The following SETD1A variants were observed in gnomAD, a reference collection of about 807,000 sequenced individuals.
SETD1A encodes histone-lysine N-methyltransferase SETD1A.
SETD1A carries 29 observed loss-of-function variants against 149.9 expected under a neutral mutation model. The observed-to-expected ratio is 0.19, with a 90% CI of 0.14 to 0.26. SETD1A has a LOEUF of 0.26. Among genes scored for constraint, SETD1A ranks in the 10% least tolerant of loss-of-function variants. SETD1A has a pLI of 1.00. For synonymous variants in SETD1A, 1,141 were observed against 968.5 expected, an observed-to-expected ratio of 1.18 and a Z score of -3.31; for missense variants, 2,109 against 2,353.1, an observed-to-expected ratio of 0.90 and a Z score of 2.15.
chr16:30,968,016 G>T (rs914966491), intron 10 of SETD1A, among the ~76,000 whole-genome samples: 1 of 152,058 alleles, frequency 6.6e-6, no homozygotes, highest in African/African-American at 2.4e-5. Flanking sequence ...AGACCCACTG[G>T]CCTTCATACT....
chr16:30,965,694 C>T lies in SETD1A; in HGVS notation c.1813C>T (p.Pro605Ser), dbSNP rs2143499117. ...PPAPTPPQQPPPPPPPPPPPP... is the reference protein window; with the variant it reads ...PPAPTPPQQPSPPPPPPPPPP... ...GGCCCCGACGCCCCCTCAGCAGCCT[C>T]CGCCACCTCCCCCTCCCCCGCCGCC... is the stretch of plus-strand genomic sequence containing the variant. Residue 605 changes from proline (P) to serine (S), a missense_variant, in exon 8 of 19, where the codon CCG (proline) becomes TCG (serine). By Grantham distance (74) the Pro-to-Ser change is moderately conservative. Transcript: ENST00000262519. 1 of 1,551,896 alleles carries T rather than the reference C, an allele frequency of 6.4e-7. No homozygotes were observed. The highest frequency in any genetic ancestry group is 8.8e-7 in the Non-Finnish European group (1 of 1,137,504).
In SETD1A at chr16:30,969,558, A is replaced by G. The variant is rs1347199312; in HGVS notation, c.2929-44A>G. On this transcript the variant is annotated intron_variant, in intron 11 of 18. Coordinates refer to ENST00000262519, the MANE Select transcript of SETD1A (RefSeq NM_014712.3). ...AGGCAGCTGTGCCTGGTGTAGGACC[A>G]GTTGTCCCCTTCCTGTTAGTCCTCA... 7 of 1,603,976 alleles carry G rather than the reference A, an allele frequency of 4.4e-6. No homozygotes were observed. In the East Asian group the frequency reaches 1.6e-4, roughly 36 times the overall value.
In SETD1A at chr16:30,980,358, C is replaced by G; in HGVS notation, c.4409-127C>G. The G allele has an allele frequency of 6.9e-7, 1 of 1,448,394 alleles. No homozygotes were observed. Among genetic ancestry groups the G allele is most frequent in the Non-Finnish European group, 9.3e-7 (1 of 1,074,838 alleles). 89.7% of individuals were successfully genotyped at this position (1,448,394 alleles called of 1,614,324 possible). ...CCTTCCAAAGCATTTCTGGCAGGAA[C>G]GATGGGGCTGGGGCTTCCTCCCCTG... is the stretch of plus-strand genomic sequence containing the variant. On this transcript the variant is annotated intron_variant, in intron 14 of 18. Transcript: ENST00000262519. The surrounding 1 kb of genome is among the most constrained non-coding windows in gnomAD (Gnocchi z 7.7).
At chr16:30,971,783 T>C (rs553898253) in intron 13 of SETD1A, 64 bp downstream of exon 13, 21 of 1,495,720 alleles carry the variant, frequency 1.4e-5, no homozygotes, top group Admixed American at 1.2e-4. Flanking sequence ...AAAACAGTGG[T>C]GCTTGCATTT....
chr16:30,974,352 A>G (rs186606769), intron 13 of SETD1A, among the ~76,000 whole-genome samples: 1 of 152,134 alleles, frequency 6.6e-6, no homozygotes, highest in East Asian at 1.9e-4. Flanking sequence ...TTAGGTCTTG[A>G]AAGTGTAGCA....
Position 30,980,570 on chromosome 16 carries a change from C to T in SETD1A, c.4494C>T (p.Gly1498=), listed in dbSNP as rs1333368212. 1.9e-6 allele frequency: 3 copies of T among 1,614,032 alleles called. No individual in the cohort carries two copies. The African/African-American group carries it at 4.0e-5, about 22-fold the overall frequency. Residue 1498 remains glycine, a synonymous_variant, in exon 15 of 19, where the codon GGC becomes GGT. Transcript: ENST00000262519. This position sits in a 1 kb window ranked among gnomAD's most constrained non-coding sequence, Gnocchi z 7.7. ...EHQTGSARSE[G]YYPISKKEKD... ...AGACAGGCTCAGCCCGCAGCGAAGG[C>T]TACTACCCCATCAGCAAGAAGGAGA...
At chr16:30,958,065 C>G (rs2055988450) in intron 1 of SETD1A, 101 bp downstream of exon 1, 1 of 150,332 alleles carries the variant, frequency 6.7e-6, no homozygotes, top group Non-Finnish European at 1.5e-5. Context: ...GCTGCCGCCG[C>G]CTCGCGCCGC....
chr16:30,977,843 G>A (rs927583135), intron 13 of SETD1A, among the ~76,000 whole-genome samples: 9 of 152,318 alleles, frequency 5.9e-5, no homozygotes, highest in Middle Eastern at 3.4e-3. Context: ...GGCGCTGAGC[G>A]GGGAAGCCAG....
At chr16:30,978,205 C>T (rs1198136848) in intron 13 of SETD1A, among the ~76,000 whole-genome samples, 1 of 143,442 alleles carries the variant, frequency 7.0e-6, no homozygotes, top group Non-Finnish European at 1.5e-5. Context: ...ACCCGGGAGG[C>T]GGAGGTTGCA....
At chr16:30,964,036 A>T in intron 5 of SETD1A, 58 bp from the exon 6 acceptor site, 1 of 1,298,962 alleles carries the variant, frequency 7.7e-7, no homozygotes, top group Non-Finnish European at 1.1e-6. Context: ...GGGAAAGGGC[A>T]GGTCTCAAGT....
chr16:30,965,128 A>T lies in SETD1A; in HGVS notation c.1386A>T (p.Pro462=). 1 of 1,612,094 alleles carries T rather than the reference A, an allele frequency of 6.2e-7. No individual in the cohort carries two copies. Among genetic ancestry groups the T allele is most frequent in the Non-Finnish European group, 8.5e-7 (1 of 1,179,674 alleles). ...EREEVRTSPR[P]ASPARSGSPA... is the part of the protein sequence containing the mutation. Reference sequence around the variant, plus strand: ...AAGAAGTTCGGACTTCCCCCCGCCCAGCCTCCCCTGCCCGCTCTGGCTCCC... The same window carrying T: ...AAGAAGTTCGGACTTCCCCCCGCCCTGCCTCCCCTGCCCGCTCTGGCTCCC... The change falls in exon 7 of 19, where the codon CCA becomes CCT. Residue 462 remains proline, a synonymous_variant. Coordinates refer to ENST00000262519, the MANE Select transcript of SETD1A (RefSeq NM_014712.3).
In SETD1A at chr16:30,980,108, G is replaced by A. The variant is rs1370745298; in HGVS notation, c.4322G>A (p.Ser1441Asn). Residue 1441 changes from serine (S) to asparagine (N), a missense_variant, in exon 14 of 19, where the codon AGT becomes AAT. Coordinates refer to ENST00000262519, the MANE Select transcript of SETD1A (RefSeq NM_014712.3). This position sits in a 1 kb window ranked among gnomAD's most constrained non-coding sequence, Gnocchi z 7.7. Reference sequence around the variant, plus strand: ...TCGGGCCTGGACTCAGAGGACATGAGTTACCTGCGGCTTACGTACGAGCGG... The same window carrying A: ...TCGGGCCTGGACTCAGAGGACATGAATTACCTGCGGCTTACGTACGAGCGG... ...WNSGLDSEDM[S>N]YLRLTYERLL... 6.2e-7 allele frequency: 1 copy of A among 1,613,656 alleles called. No homozygotes were observed. The highest frequency in any genetic ancestry group is 2.2e-5 in the East Asian group (1 of 44,840).
Position 30,980,426 on chromosome 16 carries a change from C to G in SETD1A, c.4409-59C>G, listed in dbSNP as rs573452996. The G allele has an allele frequency of 3.2e-6, 5 of 1,565,884 alleles. No homozygotes were observed. Among genetic ancestry groups the G allele is most frequent in the Admixed American group, 3.6e-5 (2 of 55,320 alleles). On this transcript the variant is annotated intron_variant, in intron 14 of 18. Transcript: ENST00000262519. The surrounding 1 kb of genome is among the most constrained non-coding windows in gnomAD (Gnocchi z 7.7). Reference sequence around the variant, plus strand: ...CTCAGCGGCGTGGGCCCCGCCCTCTCCTTTGGCTGGGACGCAGGTGGCCAG... The same window carrying G: ...CTCAGCGGCGTGGGCCCCGCCCTCTGCTTTGGCTGGGACGCAGGTGGCCAG...
Position 30,980,325 on chromosome 16 carries a change from CTT to C in SETD1A, c.4408+134_4408+135del. The C allele has an allele frequency of 7.0e-7, 1 of 1,435,784 alleles. No homozygotes were observed. 88.9% of individuals were successfully genotyped at this position (1,435,784 alleles called of 1,614,324 possible). ...CATCTTTTCTCTCCTCCTGGTGCCT[CTT>C]TTCTGCCTTCCAAAGCATTTCTGGC... is the stretch of plus-strand genomic sequence containing the variant. On this transcript the variant is annotated intron_variant, in intron 14 of 18. Transcript: ENST00000262519. This position sits in a 1 kb window ranked among gnomAD's most constrained non-coding sequence, Gnocchi z 7.7.
rs1354796523 is a variant in SETD1A at position 30,969,386 on chromosome 16, C to T, written c.2852C>T (p.Thr951Ile). 3 of 1,614,164 alleles carry T rather than the reference C, an allele frequency of 1.9e-6. No homozygotes were observed. The highest frequency in any genetic ancestry group is 1.3e-5 in the African/African-American group (1 of 75,054). The change falls in exon 11 of 19, where the codon ACC becomes ATC. Residue 951 changes from threonine (T) to isoleucine (I), a missense_variant. Thr to Ile is a moderately conservative substitution (Grantham distance 89). Coordinates refer to ENST00000262519, the MANE Select transcript of SETD1A (RefSeq NM_014712.3). ...PPKRDEERGK[T>I]QGKHRKSFAL... ...AAGCGGGACGAAGAGCGAGGCAAGACCCAGGGCAAGCACCGCAAGTCCTTT... is the reference window on the plus strand; with the variant it reads ...AAGCGGGACGAAGAGCGAGGCAAGATCCAGGGCAAGCACCGCAAGTCCTTT...
At chr16:30,958,672 G>T in intron 1 of SETD1A, 45 bp from the exon 2 acceptor site, 1 of 1,549,776 alleles carries the variant, frequency 6.5e-7, no homozygotes, top group Non-Finnish European at 8.9e-7. Context: ...GGGGAGTCAG[G>T]CCCCAAGTCC....
chr16:30,974,072 A>G (rs761289546), intron 13 of SETD1A, among the ~76,000 whole-genome samples: 1 of 152,154 alleles, frequency 6.6e-6, no homozygotes, highest in Non-Finnish European at 1.5e-5. Flanking sequence ...ATTTAATGGC[A>G]TGAACCAAAG....
chr16:30,979,051 G>C (rs1029138241), intron 13 of SETD1A, 94 bp from the exon 14 acceptor site: 28 of 1,288,914 alleles, frequency 2.2e-5, no homozygotes, highest in Middle Eastern at 5.5e-4. Flanking sequence ...GGGCGGAAGT[G>C]GGGGAGAGCA....
At chr16:30,976,727 G>C (rs183159527) in intron 13 of SETD1A, among the ~76,000 whole-genome samples, 1 of 152,236 alleles carries the variant, frequency 6.6e-6, no homozygotes, top group African/African-American at 2.4e-5. Context: ...CTTGAGGGGA[G>C]CTGAGGGTGA....
Sources: allele counts gnomAD v4.1 joint callset (sites outside exome capture counted in the v4.1 genomes callset), GRCh38; gene constraint gnomAD v4.1.1; non-coding constraint Gnocchi (gnomAD v3.1); transcripts MANE v1.5; gene names NCBI Gene and HGNC (gene_info 2026-07-23, HGNC 2026-07-21).